The following ELAVL1 variants were observed in gnomAD, a reference collection of about 807,000 sequenced individuals.
ELAVL1 encodes ELAV like RNA binding protein 1.
In ELAVL1, 1 loss-of-function variant was observed where a neutral mutation model predicts 28.4. The observed-to-expected ratio is 0.04, with a 90% CI of 0.01 to 0.17. The LOEUF is 0.17. ELAVL1 is among the 10% of genes least tolerant of loss of function. The pLI, the probability that ELAVL1 is intolerant of heterozygous loss-of-function variation, is 1.00. For synonymous variants in ELAVL1, 174 were observed against 183.5 expected (o/e 0.95, Z 0.42); for missense variants, 157 against 447.2 (o/e 0.35, Z 5.85).
At chr19:7,971,797 G>A (rs909445330) in intron 4 of ELAVL1, among the ~76,000 whole-genome samples, 10 of 152,336 alleles carry the variant, frequency 6.6e-5, no homozygotes, top group African/African-American at 9.6e-5. Context: ...GGCCGGCAGC[G>A]GCAGGGCCAG....
rs1368799525 is a variant in ELAVL1 at position 7,959,216 on chromosome 19, C to T, written c.*4267G>A. On this transcript the variant is annotated 3_prime_UTR_variant, in exon 6 of 6. Transcript: ENST00000407627. ...ATTGTTGACTTTTGGACACCAGTGT[C>T]AGACTTTATTGAAAACAAACCCATG... is the stretch of plus-strand genomic sequence containing the variant. The T allele has an allele frequency of 2.6e-5, 4 of 152,288 alleles. No homozygotes were observed. Among genetic ancestry groups the T allele is most frequent in the Non-Finnish European group, 4.4e-5 (3 of 67,986 alleles). 9.4% of individuals were successfully genotyped at this position (152,288 alleles called of 1,614,324 possible).
At chr19:7,980,465 G>A (rs1985429077) in intron 3 of ELAVL1, among the ~76,000 whole-genome samples, 1 of 152,206 alleles carries the variant, frequency 6.6e-6, no homozygotes, top group South Asian at 2.1e-4. Flanking sequence ...GTCAGATGAT[G>A]AGGACAGAGG....
intron 3 of ELAVL1, among the ~76,000 whole-genome samples, chr19:7,978,741 G>C (rs1356007781): frequency 6.6e-6 from 1 of 152,170 alleles, no homozygotes; most frequent in Non-Finnish European, 1.5e-5. Flanking sequence ...AAGTGCAGGG[G>C]CCTGGGGTCC....
intron 2 of ELAVL1, among the ~76,000 whole-genome samples, chr19:7,988,307 T>C (rs1599675890): frequency 6.6e-6 from 1 of 152,108 alleles, no homozygotes; most frequent in Non-Finnish European, 1.5e-5. Context: ...GACAGCCTTC[T>C]GGTCAAAAAG....
At chr19:7,999,491 T>C (rs928724067) in intron 1 of ELAVL1, among the ~76,000 whole-genome samples, 6 of 152,228 alleles carry the variant, frequency 3.9e-5, no homozygotes, top group Non-Finnish European at 7.3e-5. Flanking sequence ...CCTATCATTA[T>C]TTGCCTTACA....
intron 2 of ELAVL1, among the ~76,000 whole-genome samples, chr19:7,989,467 G>C (rs1484735323): frequency 6.6e-6 from 1 of 152,222 alleles, no homozygotes; most frequent in Non-Finnish European, 1.5e-5. Context: ...TCCAGACTGA[G>C]CCAAATCTAG....
At chr19:7,972,900 C>T (rs1162461131) in intron 4 of ELAVL1, 2 of 150,774 alleles carry the variant, frequency 1.3e-5, no homozygotes, top group African/African-American at 4.9e-5. Context: ...CAATCTCCGC[C>T]TCCTGGGGTC....
At chr19:7,976,839 C>CT (rs1985308582) in intron 3 of ELAVL1, among the ~76,000 whole-genome samples, 3 of 145,616 alleles carry the variant, frequency 2.1e-5, no homozygotes, top group South Asian at 2.1e-4. Flanking sequence ...TGACACGCTA[C>CT]ATTTTTTTTT....
intron 1 of ELAVL1, among the ~76,000 whole-genome samples, chr19:7,997,810 G>A (rs2081054508): frequency 6.6e-6 from 1 of 151,842 alleles, no homozygotes. Context: ...ACCCAGGAAT[G>A]GTGATGCACA....
At chr19:7,980,472 G>A (rs748475487) in intron 3 of ELAVL1, among the ~76,000 whole-genome samples, 3 of 152,180 alleles carry the variant, frequency 2.0e-5, no homozygotes, top group Admixed American at 1.3e-4. Context: ...GATGAGGACA[G>A]AGGAAATCCA....
intron 5 of ELAVL1, among the ~76,000 whole-genome samples, chr19:7,965,049 G>A (rs1984918994): frequency 6.6e-6 from 1 of 152,208 alleles, no homozygotes; most frequent in Non-Finnish European, 1.5e-5. Context: ...CGACAGACAC[G>A]AGAGGACACC....
intron 3 of ELAVL1, among the ~76,000 whole-genome samples, chr19:7,976,401 C>G (rs1272645606): frequency 7.5e-6 from 1 of 132,826 alleles, no homozygotes; most frequent in African/African-American, 2.8e-5. Flanking sequence ...GACTCCATCT[C>G]AAAAAAAAAA....
Position 7,958,921 on chromosome 19 carries a change from A to T in ELAVL1, c.*4562T>A, listed in dbSNP as rs2145193892. 1 of 153,822 alleles carries T rather than the reference A, an allele frequency of 6.5e-6. No homozygotes were observed. The highest frequency in any genetic ancestry group is 1.9e-4 in the East Asian group (1 of 5,194). The allele number at this position is 153,822 out of a possible 1,614,324, so 9.5% of individuals were successfully genotyped here. A position where few individuals can be genotyped will look rare whatever the true frequency, so the allele number is the denominator to read the frequency against. ...TCTTTGAGAAAGCCATTGACAAAAA[A>T]TATTCACACTTCACTAAAATTTTGA... On this transcript the variant is annotated 3_prime_UTR_variant, in exon 6 of 6. Coordinates refer to ENST00000407627, the MANE Select transcript of ELAVL1 (RefSeq NM_001419.3).
chr19:7,981,923 C>T lies in ELAVL1; in HGVS notation c.173-737G>A, dbSNP rs1277840183. ...CAGGAGGGCCTGCTGGCACCACCCA[C>T]CACCAGTTCCATTTACCTTTCCAAG... On this transcript the variant is annotated intron_variant, in intron 2 of 5. Transcript: ENST00000407627. This position sits in a 1 kb window ranked among gnomAD's most constrained non-coding sequence, Gnocchi z 4.2. Among the ~76,000 whole-genome samples the T allele has an allele frequency of 6.6e-6, 1 of 152,156 alleles. No individual in the cohort carries two copies. The highest frequency in any genetic ancestry group is 2.4e-5 in the African/African-American group (1 of 41,432).
At chr19:7,984,076 C>T (rs1985536482) in intron 2 of ELAVL1, among the ~76,000 whole-genome samples, 1 of 152,148 alleles carries the variant, frequency 6.6e-6, no homozygotes, top group Non-Finnish European at 1.5e-5. Flanking sequence ...ACATGCTCTT[C>T]CTCACCACAC....
At chr19:7,975,799 A>C (rs1985265294) in intron 3 of ELAVL1, among the ~76,000 whole-genome samples, 1 of 152,204 alleles carries the variant, frequency 6.6e-6, no homozygotes, top group African/African-American at 2.4e-5. Flanking sequence ...AATGTGACTG[A>C]TGTCCTTATA....
chr19:7,998,591 G>C (rs2081057048), intron 1 of ELAVL1, among the ~76,000 whole-genome samples: 1 of 152,158 alleles, frequency 6.6e-6, no homozygotes, highest in African/African-American at 2.4e-5. Context: ...TGCTTTGGCT[G>C]TTCCCTCTGC....
chr19:7,984,056 T>C (rs1336945398), intron 2 of ELAVL1, among the ~76,000 whole-genome samples: 1 of 152,074 alleles, frequency 6.6e-6, no homozygotes, highest in African/African-American at 2.4e-5. Context: ...CTTTGGCCCT[T>C]GTCTCTGCCA....
intron 4 of ELAVL1, among the ~76,000 whole-genome samples, chr19:7,972,690 G>A (rs1046453857): frequency 6.7e-5 from 10 of 150,074 alleles, no homozygotes; most frequent in South Asian, 4.2e-4. Context: ...GTAGTGGCGC[G>A]ATCACGGCTC....
Sources: allele counts gnomAD v4.1 joint callset (sites outside exome capture counted in the v4.1 genomes callset), GRCh38; gene constraint gnomAD v4.1.1; non-coding constraint Gnocchi (gnomAD v3.1); transcripts MANE v1.5; gene names NCBI Gene and HGNC (gene_info 2026-07-23, HGNC 2026-07-21).